PTGR3: variants seen among roughly 807,000 people sequenced by gnomAD.
PTGR3 encodes the protein prostaglandin reductase 3.
the PTGR3 span, chr18:75,205,413 G>T: frequency 1.0e-6 from 1 of 985,252 alleles, no homozygotes; most frequent in Non-Finnish European, 1.2e-6. Flanking sequence ...CATGCAGTGA[G>T]CGCAGGATTC....
chr18:75,207,736 C>T, the PTGR3 span, among the ~76,000 whole-genome samples: 2 of 151,626 alleles, frequency 1.3e-5, no homozygotes, highest in Non-Finnish European at 2.9e-5. Flanking sequence ...TAATAGGAAT[C>T]TCGAAAATGG....
the PTGR3 span, chr18:75,197,217 CAG>C: frequency 5.9e-5 from 9 of 152,036 alleles, no homozygotes; most frequent in Non-Finnish European, 1.0e-4. Context: ...TGATAGCAAA[CAG>C]GGTGACTATA....
the PTGR3 span, chr18:75,205,329 GAC>G: frequency 8.1e-6 from 8 of 985,902 alleles, no homozygotes; most frequent in South Asian, 4.7e-5. Context: ...AGACAAGAAA[GAC>G]ACACTGGGAA....
chr18:75,205,492 C>G, the PTGR3 span: 9 of 985,296 alleles, frequency 9.1e-6, no homozygotes, highest in African/African-American at 1.6e-4. Flanking sequence ...AGAATAGGAC[C>G]GGCGCAGGCA....
chr18:75,204,258 C>A, the PTGR3 span, among the ~76,000 whole-genome samples: 1 of 152,224 alleles, frequency 6.6e-6, no homozygotes, highest in East Asian at 1.9e-4. Flanking sequence ...ATGCAACCCC[C>A]CCTCTCCCCG....
At chr18:75,197,001 A>C in the PTGR3 span, 2 of 152,168 alleles carry the variant, frequency 1.3e-5, no homozygotes, top group Non-Finnish European at 2.9e-5. Context: ...ACTTGATCTG[A>C]TACATATTAT....
the PTGR3 span, among the ~76,000 whole-genome samples, chr18:75,204,060 T>C: frequency 4.6e-5 from 7 of 152,198 alleles, no homozygotes; most frequent in Admixed American, 2.0e-4. Context: ...TTGCCCACGA[T>C]TAACCCTTCC....
chr18:75,202,371 C>T, the PTGR3 span: 48 of 1,582,770 alleles, frequency 3.0e-5, no homozygotes, highest in East Asian at 8.1e-4. Context: ...AAATATGTTA[C>T]GATGGGTTTT....
chr18:75,199,051 T>C, the PTGR3 span: 1 of 152,702 alleles, frequency 6.5e-6, no homozygotes, highest in Non-Finnish European at 1.5e-5. Context: ...GAATCTTTCA[T>C]GCTTGTTTTC....
the PTGR3 span, among the ~76,000 whole-genome samples, chr18:75,203,644 C>T: frequency 7.2e-5 from 11 of 152,252 alleles, no homozygotes; most frequent in African/African-American, 2.6e-4. Context: ...TCAATAACAC[C>T]CCACACAATT....
At chr18:75,201,344 ATTGAT>A in the PTGR3 span, 1 of 1,337,298 alleles carries the variant, frequency 7.5e-7, no homozygotes, top group Non-Finnish European at 1.0e-6. Flanking sequence ...CTAAAAATAA[ATTGAT>A]TTGAGTAATT....
chr18:75,203,645 C>G, the PTGR3 span, among the ~76,000 whole-genome samples: 1 of 152,162 alleles, frequency 6.6e-6, no homozygotes, highest in Non-Finnish European at 1.5e-5. Flanking sequence ...CAATAACACC[C>G]CACACAATTC....
At chr18:75,208,738 G>C in the PTGR3 span, 1 of 1,065,952 alleles carries the variant, frequency 9.4e-7, no homozygotes, top group South Asian at 3.8e-5. Context: ...GTGCGCCCGA[G>C]CGCGCGCCGG....
the PTGR3 span, among the ~76,000 whole-genome samples, chr18:75,204,341 G>C: frequency 2.1e-3 from 326 of 152,368 alleles, 3 homozygotes; most frequent in Non-Finnish European, 6.3e-4. Context: ...GAGCAGCCTG[G>C]GGAGCGCGCA....
the PTGR3 span, chr18:75,197,058 C>CAACA: frequency 2.0e-5 from 3 of 151,332 alleles, no homozygotes; most frequent in Non-Finnish European, 2.9e-5. Flanking sequence ...TTTCTTTTGC[C>CAACA]AACATTCCAT....
the PTGR3 span, chr18:75,209,026 G>C: frequency 1.3e-6 from 2 of 1,574,406 alleles, no homozygotes; most frequent in Middle Eastern, 3.8e-4. This position sits in a 1 kb window ranked among gnomAD's most constrained non-coding sequence, Gnocchi z 4.7. Context: ...TGTCCACGAT[G>C]GCCCGGGCCC....
At chr18:75,208,455 T>C in the PTGR3 span, 3 of 1,005,560 alleles carry the variant, frequency 3.0e-6, no homozygotes, top group Non-Finnish European at 3.6e-6. Context: ...CTGCTCCCGC[T>C]CCACCCTAAA....
At chr18:75,198,683 T>C in the PTGR3 span, 2 of 152,192 alleles carry the variant, frequency 1.3e-5, no homozygotes, top group Non-Finnish European at 2.9e-5. Flanking sequence ...CTGGGACTCC[T>C]TGGTTTCTCA....
At chr18:75,208,875 C>G in the PTGR3 span, 1 of 1,536,636 alleles carries the variant, frequency 6.5e-7, no homozygotes. Flanking sequence ...AGGTCTCCGT[C>G]CCCGGGGAGC....
Sources: gnomAD v4.1 joint callset for allele counts (sites outside exome capture counted in the v4.1 genomes callset) on GRCh38, gnomAD v4.1.1 for gene constraint, Gnocchi (gnomAD v3.1) non-coding constraint, MANE v1.5 for transcripts, NCBI Gene and HGNC (gene_info 2026-07-23, HGNC 2026-07-21) for gene names.